Variants in DSCAM observed in about 807,000 individuals in gnomAD.
DSCAM encodes the protein DS cell adhesion molecule.
In DSCAM, 47 loss-of-function variants were observed where a neutral mutation model predicts 217.7. The observed-to-expected ratio is 0.22, with a 90% CI of 0.17 to 0.28. The LOEUF (loss-of-function observed/expected upper bound fraction) is 0.28, where lower values mean the gene tolerates loss of function less well. Among genes scored for constraint, DSCAM ranks in the 10% least tolerant of loss-of-function variants. The pLI, the probability that DSCAM is intolerant of heterozygous loss-of-function variation, is 1.00. For synonymous variants in DSCAM, 1,056 were observed against 1,015.3 expected, an observed-to-expected ratio of 1.04 and a Z score of -0.76; for missense variants, 2,080 against 2,618.3, an observed-to-expected ratio of 0.79 and a Z score of 4.49.
At chr21:40,532,905 TG>T (rs2076460312) in intron 3 of DSCAM, among the ~76,000 whole-genome samples, 1 of 109,666 alleles carries the variant, frequency 9.1e-6, no homozygotes, top group Non-Finnish European at 1.8e-5. Flanking sequence ...TGTGTGTGTG[TG>T]TGTGCACACG....
In DSCAM at chr21:40,339,260, T is replaced by A; in HGVS notation, c.1366A>T (p.Ser456Cys). Residue 456 changes from serine to cysteine, a missense_variant, in exon 7 of 33, where the codon AGC (serine) becomes TGC (cysteine). Around this residue, in one of 5 missense-constraint regions of DSCAM, gnomAD observed 568 missense variants for 678.1 expected, o/e 0.84. Transcript: ENST00000400454. ...TTCCCCTCCGACGTGATCATCTGGCTGATGCGGTGACTGCCACCCTTGAGA... is the reference window on the plus strand; with the variant it reads ...TTCCCCTCCGACGTGATCATCTGGCAGATGCGGTGACTGCCACCCTTGAGA... ...PILKGGSHRI[S>C]QMITSEGNVV... 6.2e-7 allele frequency: 1 copy of A among 1,614,200 alleles called. No homozygotes were observed. Among genetic ancestry groups the A allele is most frequent in the Non-Finnish European group, 8.5e-7 (1 of 1,180,030 alleles).
At chr21:40,455,904 A>G (rs2075759607) in intron 3 of DSCAM, among the ~76,000 whole-genome samples, 1 of 152,198 alleles carries the variant, frequency 6.6e-6, no homozygotes, top group African/African-American at 2.4e-5. Context: ...GAAGAAGACA[A>G]GGAGATTCAA....
chr21:40,841,245 T>A (rs1038899202), intron 1 of DSCAM, among the ~76,000 whole-genome samples: 1 of 152,136 alleles, frequency 6.6e-6, no homozygotes, highest in Non-Finnish European at 1.5e-5. Flanking sequence ...CCTGCTTCCC[T>A]CCTGCCACCT....
At chr21:40,643,227 A>G (rs905631963) in intron 3 of DSCAM, among the ~76,000 whole-genome samples, 1 of 152,214 alleles carries the variant, frequency 6.6e-6, no homozygotes, top group Non-Finnish European at 1.5e-5. Context: ...AGTAAGACAG[A>G]TTGATATCTC....
At chr21:40,049,492 G>A (rs1223093296) in intron 30 of DSCAM, among the ~76,000 whole-genome samples, 2 of 151,930 alleles carry the variant, frequency 1.3e-5, no homozygotes, top group East Asian at 3.9e-4. Context: ...ACTCACCATG[G>A]CTTCATTCTC....
Position 40,710,142 on chromosome 21 carries a change from G to A in DSCAM, c.44-1371C>T, listed in dbSNP as rs367549301. The stretch of plus-strand genomic sequence containing the variant: ...TGGCTGCATAAATGTCTTCTTTTGA[G>A]AAGAGTCTGTTTATATCATTTGCCC... On this transcript the variant is annotated intron_variant, in intron 1 of 32. Coordinates refer to ENST00000400454, the MANE Select transcript of DSCAM (RefSeq NM_001389.5). Among the ~76,000 whole-genome samples, 21 of 152,156 alleles carry A rather than the reference G, an allele frequency of 1.4e-4. No homozygotes were observed. The East Asian group carries it at 3.5e-3, about 25-fold the overall frequency.
intron 11 of DSCAM, among the ~76,000 whole-genome samples, chr21:40,260,943 T>C (rs1428834680): frequency 2.0e-5 from 3 of 152,208 alleles, no homozygotes; most frequent in East Asian, 1.9e-4. Flanking sequence ...TGTTCTGTTA[T>C]TGAAGATAAA....
chr21:40,282,276 A>G (rs1160209150), intron 10 of DSCAM, among the ~76,000 whole-genome samples: 1 of 152,160 alleles, frequency 6.6e-6, no homozygotes, highest in Non-Finnish European at 1.5e-5. Flanking sequence ...TATAGGATTG[A>G]AAAAATATAA....
chr21:40,482,218 C>A (rs2075989273), intron 3 of DSCAM, among the ~76,000 whole-genome samples: 1 of 152,196 alleles, frequency 6.6e-6, no homozygotes, highest in South Asian at 2.1e-4. Flanking sequence ...CCCTACATTT[C>A]ATAATTTTAA....
chr21:40,777,337 C>T (rs996141665), intron 1 of DSCAM, among the ~76,000 whole-genome samples: 2 of 152,088 alleles, frequency 1.3e-5, no homozygotes, highest in Non-Finnish European at 2.9e-5. Context: ...GAGCCGAAAA[C>T]CTTCAGACAA....
chr21:40,484,730 A>G (rs1177244714), intron 3 of DSCAM, among the ~76,000 whole-genome samples: 1 of 152,110 alleles, frequency 6.6e-6, no homozygotes, highest in Non-Finnish European at 1.5e-5. Context: ...TCTCTCCCTC[A>G]TTCCCCAAAG....
rs746930017 is a variant in DSCAM at position 40,708,537 on chromosome 21, G to A, written c.278C>T (p.Thr93Ile). The A allele has an allele frequency of 6.3e-7, 1 of 1,589,644 alleles. No homozygotes were observed. Among genetic ancestry groups the A allele is most frequent in the East Asian group, 2.2e-5 (1 of 44,522 alleles). ...ATAATAAGTATTATCATGGATTAAG[G>A]TACTGAAGCTTGAAGGAGGGAAGGG... ...IFPFPPSSFS[T>I]LIHDNTYYCT... is the part of the protein sequence containing the mutation. The change falls in exon 2 of 33, where the codon ACC becomes ATC. Residue 93 changes from threonine (T) to isoleucine (I), a missense_variant. By Grantham distance (89) the Thr-to-Ile change is moderately conservative. Transcript: ENST00000400454.
intron 3 of DSCAM, among the ~76,000 whole-genome samples, chr21:40,442,132 T>A (rs1053371390): frequency 6.6e-6 from 1 of 152,194 alleles, no homozygotes; most frequent in Non-Finnish European, 1.5e-5. Context: ...TCCCTAAAAA[T>A]GTTTCTTAGT....
intron 3 of DSCAM, among the ~76,000 whole-genome samples, chr21:40,538,072 GTGTT>G (rs2076513387): frequency 6.6e-6 from 1 of 152,178 alleles, no homozygotes; most frequent in Admixed American, 6.5e-5. Flanking sequence ...GATGGATGTA[GTGTT>G]TGTCTGACAC....
intron 3 of DSCAM, among the ~76,000 whole-genome samples, chr21:40,502,648 T>C (rs1189966811): frequency 3.3e-5 from 5 of 152,178 alleles, no homozygotes; most frequent in Non-Finnish European, 5.9e-5. Context: ...TGACACGGGT[T>C]CTCCCGTCTC....
At chr21:40,380,055 C>T (rs1222173837) in intron 3 of DSCAM, among the ~76,000 whole-genome samples, 1 of 152,186 alleles carries the variant, frequency 6.6e-6, no homozygotes, top group Non-Finnish European at 1.5e-5. Context: ...ATTTTAAATT[C>T]TCTCAAAGCA....
intron 3 of DSCAM, among the ~76,000 whole-genome samples, chr21:40,371,314 T>C (rs575136577): frequency 2.0e-5 from 3 of 152,288 alleles, no homozygotes; most frequent in African/African-American, 7.2e-5. Context: ...ATGATACACA[T>C]TGTGTATAAT....
In DSCAM at chr21:40,078,670, A is replaced by G. The variant is rs1408093950; in HGVS notation, c.4711+17T>C. The stretch of plus-strand genomic sequence containing the variant: ...CCCAAGACACAAGCAGGAGAGCCAC[A>G]AAGCCAGCCAGCTTACTGCCATCGT... On this transcript the variant is annotated intron_variant, in intron 26 of 32. Transcript: ENST00000400454. The G allele has an allele frequency of 6.2e-7, 1 of 1,605,980 alleles. No individual in the cohort carries two copies. The highest frequency in any genetic ancestry group is 8.5e-7 in the Non-Finnish European group (1 of 1,174,648).
At chr21:40,053,249 A>G (rs1390468764) in intron 29 of DSCAM, among the ~76,000 whole-genome samples, 1 of 152,228 alleles carries the variant, frequency 6.6e-6, no homozygotes, top group East Asian at 1.9e-4. Flanking sequence ...AAAGGCTGCC[A>G]AGATGTCTGT....
Sources: allele counts gnomAD v4.1 joint callset (sites outside exome capture counted in the v4.1 genomes callset), GRCh38; gene constraint gnomAD v4.1.1; regional missense constraint gnomAD v4.1.1; transcripts MANE v1.5; gene names NCBI Gene and HGNC (gene_info 2026-07-23, HGNC 2026-07-21).